The following UTRN variants were observed in gnomAD, a reference collection of about 807,000 sequenced individuals.
The protein encoded by UTRN is utrophin.
In UTRN, 283 loss-of-function variants were observed where a neutral mutation model predicts 463.9. The ratio of observed to expected loss-of-function variants is 0.61; its 90% CI spans 0.55 to 0.67. The LOEUF is 0.67. UTRN is among the 30% of genes least tolerant of loss of function. UTRN has a pLI of 0.00. For missense variants in UTRN, 3,922 were observed against 4,084.3 expected (o/e 0.96, Z 1.08); for synonymous variants, 1,442 against 1,431.5 (o/e 1.01, Z -0.17).
At chr6:144,523,882 C>A (rs536317256) in intron 41 of UTRN, among the ~76,000 whole-genome samples, 61 of 152,196 alleles carry the variant, frequency 4.0e-4, no homozygotes, top group African/African-American at 1.4e-3. Context: ...TTTTTTATAG[C>A]CTTCTGTTTA....
chr6:144,719,227 T>C (rs1252141738), intron 53 of UTRN, among the ~76,000 whole-genome samples: 1 of 152,226 alleles, frequency 6.6e-6, no homozygotes, highest in Non-Finnish European at 1.5e-5. Flanking sequence ...TTCTCATTCA[T>C]TAATCCAAAA....
At chr6:144,614,363 G>A (rs1165225763) in intron 51 of UTRN, among the ~76,000 whole-genome samples, 4 of 152,042 alleles carry the variant, frequency 2.6e-5, no homozygotes, top group Non-Finnish European at 2.9e-5. Flanking sequence ...CCAAATCATA[G>A]GAAAAAATAC....
chr6:144,374,940 C>CA (rs1377554656), intron 2 of UTRN, among the ~76,000 whole-genome samples: 1 of 126,896 alleles, frequency 7.9e-6, no homozygotes, highest in African/African-American at 3.0e-5. Flanking sequence ...AGTGAGACTC[C>CA]ATCTCAAAAA....
chr6:144,633,015 C>G (rs1236234076), intron 51 of UTRN, among the ~76,000 whole-genome samples: 7 of 152,094 alleles, frequency 4.6e-5, no homozygotes, highest in Non-Finnish European at 7.4e-5. Flanking sequence ...GCCACCATGC[C>G]TGGCCCAACT....
intron 2 of UTRN, among the ~76,000 whole-genome samples, chr6:144,396,886 C>T (rs1489307924): frequency 6.6e-6 from 1 of 152,066 alleles, no homozygotes; most frequent in African/African-American, 2.4e-5. Flanking sequence ...TACTCCTGTC[C>T]TCTGTGGCTC....
At chr6:144,552,047 C>T (rs1460353151) in intron 48 of UTRN, among the ~76,000 whole-genome samples, 1 of 152,142 alleles carries the variant, frequency 6.6e-6, no homozygotes, top group South Asian at 2.1e-4. Flanking sequence ...TCTCTCTCTT[C>T]CATAGATTGT....
Position 144,461,210 on chromosome 6 carries a change from A to G in UTRN, c.2721A>G (p.Gln907=), listed in dbSNP as rs775291469. The G allele has an allele frequency of 5.0e-6, 8 of 1,588,882 alleles. No individual in the cohort carries two copies. The highest frequency in any genetic ancestry group is 6.0e-6 in the Non-Finnish European group (7 of 1,167,770). ...TTAAATAAACAGAACTGAAGGGCCAACCTGGACATGCATATCTGGAAACAT... is the reference window on the plus strand; with the variant it reads ...TTAAATAAACAGAACTGAAGGGCCAGCCTGGACATGCATATCTGGAAACAT... ...QQHLENELKG[Q]PGHAYLETLK... is the part of the protein sequence containing the mutation. The change falls in exon 22 of 75, where the codon CAA becomes CAG. Residue 907 remains glutamine, a synonymous_variant. Transcript: ENST00000367545.
intron 53 of UTRN, among the ~76,000 whole-genome samples, chr6:144,728,006 A>G (rs1326578336): frequency 6.6e-6 from 1 of 151,612 alleles, no homozygotes; most frequent in Non-Finnish European, 1.5e-5. Flanking sequence ...AGGCTGAGGC[A>G]GGAGAATCAC....
At chr6:144,840,535 C>T (rs59534261) in intron 72 of UTRN, among the ~76,000 whole-genome samples, 10,826 of 152,182 alleles carry the variant, frequency 0.071, 997 homozygotes, top group African/African-American at 0.22. Context: ...ACAGCTAGTA[C>T]GTGTCAATTA....
intron 55 of UTRN, among the ~76,000 whole-genome samples, chr6:144,748,954 G>A (rs1480578972): frequency 6.6e-6 from 1 of 151,970 alleles, no homozygotes; most frequent in African/African-American, 2.4e-5. Flanking sequence ...TAGTCTCCAG[G>A]TTCCTCTCTA....
At chr6:144,586,119 G>A (rs1166543688) in intron 51 of UTRN, among the ~76,000 whole-genome samples, 1 of 151,832 alleles carries the variant, frequency 6.6e-6, no homozygotes, top group East Asian at 1.9e-4. Flanking sequence ...TACTTCTCTT[G>A]TTTGTCAGAA....
chr6:144,583,229 C>G, intron 51 of UTRN: 1 of 353,692 alleles, frequency 2.8e-6, no homozygotes, highest in East Asian at 4.3e-5. Context: ...TCATTTCTGG[C>G]CATGCCGGGC....
intron 51 of UTRN, among the ~76,000 whole-genome samples, chr6:144,635,138 GTTTTT>G (rs149100143): frequency 1.9e-5 from 2 of 103,114 alleles, no homozygotes; most frequent in South Asian, 6.4e-4. Context: ...TTATTTGTGT[GTTTTT>G]TTTTTTTTTT....
chr6:144,593,711 C>T (rs1803353831), intron 51 of UTRN, among the ~76,000 whole-genome samples: 1 of 152,142 alleles, frequency 6.6e-6, no homozygotes, highest in South Asian at 2.1e-4. Flanking sequence ...TGATTGTATT[C>T]AGAGAACATT....
At chr6:144,470,646 A>G (rs954353489) in intron 23 of UTRN, among the ~76,000 whole-genome samples, 4 of 152,116 alleles carry the variant, frequency 2.6e-5, no homozygotes, top group Admixed American at 1.3e-4. Context: ...AGAGGCTGCA[A>G]TCTCGGCACT....
rs990188681 is a variant in UTRN, at chr6:144,390,235, G to A, written c.80-12888G>A. On this transcript the variant is annotated intron_variant, in intron 2 of 74. Coordinates refer to ENST00000367545, the MANE Select transcript of UTRN (RefSeq NM_007124.3). ...TGATCATGCCCATCCACCTCACCACGTCCCAGCAGCAACCTTCTCTCTTCA... is the reference window on the plus strand; with the variant it reads ...TGATCATGCCCATCCACCTCACCACATCCCAGCAGCAACCTTCTCTCTTCA... Among the ~76,000 whole-genome samples the A allele has an allele frequency of 7.2e-5, 11 of 152,204 alleles. No individual in the cohort carries two copies. The South Asian group carries it at 1.2e-3, about 17-fold the overall frequency.
At chr6:144,848,859 A>G (rs1326640108) in intron 74 of UTRN, among the ~76,000 whole-genome samples, 1 of 152,148 alleles carries the variant, frequency 6.6e-6, no homozygotes, top group East Asian at 1.9e-4. Flanking sequence ...TGACCTACGG[A>G]GTCAGTAGAT....
intron 53 of UTRN, among the ~76,000 whole-genome samples, chr6:144,710,391 C>T (rs1785550742): frequency 6.6e-6 from 1 of 152,128 alleles, no homozygotes; most frequent in East Asian, 1.9e-4. Flanking sequence ...GCAGGAAGCC[C>T]CATAGCAAAG....
intron 48 of UTRN, among the ~76,000 whole-genome samples, chr6:144,554,398 T>G (rs1297635255): frequency 6.6e-6 from 1 of 152,224 alleles, no homozygotes; most frequent in Non-Finnish European, 1.5e-5. Context: ...AACAGTATTT[T>G]CTTTATAATT....
Sources: allele counts gnomAD v4.1 joint callset (sites outside exome capture counted in the v4.1 genomes callset), GRCh38; gene constraint gnomAD v4.1.1; transcripts MANE v1.5; gene names NCBI Gene and HGNC (gene_info 2026-07-23, HGNC 2026-07-21).